Variants in NRG1 observed in about 807,000 individuals in gnomAD.
NRG1 encodes the protein pro-neuregulin-1, membrane-bound isoform.
NRG1 carries 18 observed loss-of-function variants against 63.8 expected under a neutral mutation model. The observed-to-expected ratio is 0.28, with a 90% CI of 0.19 to 0.42. The LOEUF (loss-of-function observed/expected upper bound fraction) is 0.42, where lower values mean the gene tolerates loss of function less well. Among genes scored for constraint, NRG1 ranks in the 10% least tolerant of loss-of-function variants. NRG1 has a pLI of 1.00. For missense variants in NRG1, 762 were observed against 814.7 expected, an observed-to-expected ratio of 0.94 and a Z score of 0.79; for synonymous variants, 302 against 301.3, an observed-to-expected ratio of 1.00 and a Z score of -0.02.
In NRG1 at chr8:32,291,702, C is replaced by G. The variant is rs144576064; in HGVS notation, c.38-304126C>G. Reference sequence around the variant, plus strand: ...GGACTACAGGTGCACACCACCACTCCCGGCTAATTTGTTCGTATTTTTAGT... The same window carrying G: ...GGACTACAGGTGCACACCACCACTCGCGGCTAATTTGTTCGTATTTTTAGT... On this transcript the variant is annotated intron_variant, in intron 1 of 10. Coordinates refer to the NRG1 transcript ENST00000519301. 2.2e-4 allele frequency among the ~76,000 whole-genome samples: 33 copies of G among 151,918 alleles called. No homozygotes were observed. In the East Asian group the frequency reaches 6.2e-3, roughly 29 times the overall value.
In NRG1 at chr8:31,849,003, T is replaced by G. The variant is rs187592634; in HGVS notation, c.37+209572T>G. On this transcript the variant is annotated intron_variant, in intron 1 of 10. Transcript: ENST00000519301. ...CGAAACAGATCCCTATGCCAAAAAG[T>G]TGGGGATTGCAGCTTTAATAGACTC... is the stretch of plus-strand genomic sequence containing the variant. Among the ~76,000 whole-genome samples, 157 of 152,244 alleles carry G rather than the reference T, an allele frequency of 1.0e-3. 1 individual carries two copies. Among genetic ancestry groups the G allele is most frequent in the African/African-American group, 3.5e-3 (147 of 41,542 alleles).
At chr8:31,656,495 G>C (rs1427778615) in intron 1 of NRG1, among the ~76,000 whole-genome samples, 1 of 152,148 alleles carries the variant, frequency 6.6e-6, no homozygotes, top group Non-Finnish European at 1.5e-5. Context: ...TTAAGATTGG[G>C]TTTTAGTAAT....
At chr8:32,326,333 A>T (rs1168030171) in intron 1 of NRG1, among the ~76,000 whole-genome samples, 2 of 125,574 alleles carry the variant, frequency 1.6e-5, no homozygotes, top group East Asian at 2.2e-4. Flanking sequence ...TTTTTTTGAG[A>T]CAAGGTCTCA....
chr8:32,317,317 G>A (rs2129476429), intron 1 of NRG1, among the ~76,000 whole-genome samples: 1 of 152,230 alleles, frequency 6.6e-6, no homozygotes, highest in Admixed American at 6.5e-5. Context: ...TAACTTACTG[G>A]CCCTGCTAAA....
At chr8:32,260,161 A>G (rs1020563485) in intron 1 of NRG1, among the ~76,000 whole-genome samples, 3 of 152,176 alleles carry the variant, frequency 2.0e-5, no homozygotes, top group East Asian at 1.9e-4. Flanking sequence ...TGGGATTACT[A>G]AAACAACTAT....
chr8:32,234,789 C>T (rs1159348510), intron 1 of NRG1, among the ~76,000 whole-genome samples: 14 of 152,040 alleles, frequency 9.2e-5, no homozygotes, highest in Admixed American at 7.2e-4. Flanking sequence ...TCATTACTGA[C>T]CAACTGTGTG....
At chr8:32,091,013 C>T (rs572131095) in intron 1 of NRG1, among the ~76,000 whole-genome samples, 2 of 152,320 alleles carry the variant, frequency 1.3e-5, no homozygotes, top group African/African-American at 4.8e-5. Flanking sequence ...GGCGCGGTGG[C>T]TCACACCTGT....
intron 1 of NRG1, among the ~76,000 whole-genome samples, chr8:31,999,726 C>G (rs1264758095): frequency 6.6e-6 from 1 of 151,900 alleles, no homozygotes. Flanking sequence ...AGGATAGTCT[C>G]TCTCCTCTGG....
downstream of NRG1, among the ~76,000 whole-genome samples, chr8:32,768,681 A>G (rs1006803505): frequency 1.7e-4 from 26 of 152,332 alleles, no homozygotes; most frequent in African/African-American, 6.0e-4. Flanking sequence ...CAAAAGCCAT[A>G]TTTTAACAAA....
At chr8:32,113,066 A>G (rs1832243043) in intron 1 of NRG1, among the ~76,000 whole-genome samples, 1 of 152,130 alleles carries the variant, frequency 6.6e-6, no homozygotes, top group African/African-American at 2.4e-5. Flanking sequence ...CCTTCTGAGC[A>G]TGGGGGCTGT....
intron 1 of NRG1, among the ~76,000 whole-genome samples, chr8:31,704,676 C>T (rs1810953149): frequency 1.3e-5 from 2 of 151,320 alleles, no homozygotes. Flanking sequence ...ACTAAAAATA[C>T]AAAAAATTAG....
intron 1 of NRG1, among the ~76,000 whole-genome samples, chr8:31,870,624 A>C (rs1199941993): frequency 6.6e-6 from 1 of 152,184 alleles, no homozygotes; most frequent in Admixed American, 6.5e-5. Flanking sequence ...CACAAAATAA[A>C]ACCAATCATA....
At chr8:31,824,635 T>C (rs943567192) in intron 1 of NRG1, among the ~76,000 whole-genome samples, 4 of 152,230 alleles carry the variant, frequency 2.6e-5, no homozygotes, top group Middle Eastern at 3.2e-3. Flanking sequence ...CTTTGGATAT[T>C]TTAAAAGAGG....
intron 1 of NRG1, among the ~76,000 whole-genome samples, chr8:32,059,536 C>T (rs200279866): frequency 6.6e-6 from 1 of 151,982 alleles, no homozygotes; most frequent in African/African-American, 2.4e-5. Flanking sequence ...TGCATACTCT[C>T]ATATTTGTGT....
At chr8:31,666,529 GAAGA>G (rs1806559700) in intron 1 of NRG1, among the ~76,000 whole-genome samples, 1 of 152,112 alleles carries the variant, frequency 6.6e-6, no homozygotes, top group Non-Finnish European at 1.5e-5. Flanking sequence ...TGAAGAAAAA[GAAGA>G]AAGAAAAAAG....
chr8:32,329,211 C>T (rs759215781), intron 1 of NRG1, among the ~76,000 whole-genome samples: 3 of 152,116 alleles, frequency 2.0e-5, no homozygotes, highest in African/African-American at 4.8e-5. Flanking sequence ...TCAAGAGATC[C>T]TCCCACTTCA....
At chr8:32,237,539 C>G (rs1847695034) in intron 1 of NRG1, among the ~76,000 whole-genome samples, 1 of 151,970 alleles carries the variant, frequency 6.6e-6, no homozygotes, top group Non-Finnish European at 1.5e-5. Flanking sequence ...ACAAAACTAG[C>G]TTATTTTTCC....
At chr8:32,106,728 T>C (rs796510904) in intron 1 of NRG1, among the ~76,000 whole-genome samples, 4 of 152,234 alleles carry the variant, frequency 2.6e-5, no homozygotes, top group African/African-American at 9.6e-5. Flanking sequence ...TTGTTGAAAA[T>C]GCATACATAA....
intron 1 of NRG1, among the ~76,000 whole-genome samples, chr8:32,316,890 G>A (rs564719659): frequency 4.0e-4 from 61 of 152,314 alleles, no homozygotes; most frequent in African/African-American, 1.3e-3. Flanking sequence ...GAAAGGGACC[G>A]TGTAGGCTTG....
Sources: gnomAD v4.1 joint callset for allele counts (sites outside exome capture counted in the v4.1 genomes callset) on GRCh38, gnomAD v4.1.1 for gene constraint, MANE v1.5 for transcripts, NCBI Gene and HGNC (gene_info 2026-07-23, HGNC 2026-07-21) for gene names.